The following RUNX2 variants were observed in gnomAD, a reference collection of about 807,000 sequenced individuals.
RUNX2 encodes the protein runt-related transcription factor 2.
RUNX2 carries 10 observed loss-of-function variants against 51.7 expected under a neutral mutation model. That is an observed-to-expected ratio of 0.19 (90% CI 0.12 to 0.33). RUNX2 has a LOEUF of 0.33. Among genes scored for constraint, RUNX2 ranks in the 10% least tolerant of loss-of-function variants. The probability of loss-of-function intolerance (pLI) is 1.00; values close to 1 mark genes in which losing one functional copy is unlikely to be tolerated. For synonymous variants in RUNX2, 276 were observed against 273.6 expected (o/e 1.01, Z -0.09); for missense variants, 562 against 691.3 (o/e 0.81, Z 2.10).
At chr6:45,540,274 G>T (rs1234731214) in intron 7 of RUNX2, among the ~76,000 whole-genome samples, 1 of 152,176 alleles carries the variant, frequency 6.6e-6, no homozygotes, top group Non-Finnish European at 1.5e-5. Flanking sequence ...TGAGTAAGGG[G>T]TAATACACTC....
At chr6:45,355,787 C>G (rs554110225) in intron 2 of RUNX2, among the ~76,000 whole-genome samples, 10 of 152,290 alleles carry the variant, frequency 6.6e-5, no homozygotes, top group Admixed American at 6.5e-4. Flanking sequence ...CAGTGCTTGA[C>G]TTAGAAATGG....
chr6:45,529,071 A>C (rs1801763589), intron 7 of RUNX2, among the ~76,000 whole-genome samples: 1 of 152,214 alleles, frequency 6.6e-6, no homozygotes, highest in South Asian at 2.1e-4. Flanking sequence ...CCCTAAAAGG[A>C]GATTCCTCCT....
At chr6:45,537,416 A>T (rs1401042374) in intron 7 of RUNX2, among the ~76,000 whole-genome samples, 1 of 152,214 alleles carries the variant, frequency 6.6e-6, no homozygotes, top group Non-Finnish European at 1.5e-5. Context: ...GTCTTGGGCT[A>T]CCATGTACTG....
intron 4 of RUNX2, among the ~76,000 whole-genome samples, chr6:45,436,202 A>T (rs1425447740): frequency 6.6e-6 from 1 of 152,152 alleles, no homozygotes; most frequent in Admixed American, 6.5e-5. Context: ...GGGCACATAG[A>T]GCTGATTGGG....
chr6:45,428,838 C>CTTTTT (rs66878438), intron 3 of RUNX2, among the ~76,000 whole-genome samples: 2 of 131,064 alleles, frequency 1.5e-5, no homozygotes, highest in African/African-American at 2.8e-5. Flanking sequence ...GGGCAGATTG[C>CTTTTT]TTTTTTTTTT....
chr6:45,411,476 T>C (rs939792414), intron 2 of RUNX2, among the ~76,000 whole-genome samples: 1 of 152,188 alleles, frequency 6.6e-6, no homozygotes, highest in Non-Finnish European at 1.5e-5. Flanking sequence ...ATTTTTATGG[T>C]TGAGTTTGTA....
intron 8 of RUNX2, among the ~76,000 whole-genome samples, chr6:45,545,781 G>A (rs1449874625): frequency 6.6e-6 from 1 of 152,146 alleles, no homozygotes; most frequent in Non-Finnish European, 1.5e-5. Context: ...AATCTTTAAA[G>A]GTCACAACTA....
chr6:45,533,483 C>T (rs976421612), intron 7 of RUNX2, among the ~76,000 whole-genome samples: 14 of 152,276 alleles, frequency 9.2e-5, no homozygotes, highest in Non-Finnish European at 1.6e-4. Flanking sequence ...ATACAAACAG[C>T]TCTTTGAAAC....
chr6:45,430,415 T>C (rs1315814464), intron 3 of RUNX2, among the ~76,000 whole-genome samples: 1 of 152,128 alleles, frequency 6.6e-6, no homozygotes, highest in Non-Finnish European at 1.5e-5. Flanking sequence ...ATGGAAGGAA[T>C]GGAACTGAGA....
At chr6:45,455,553 T>C (rs985304285) in intron 5 of RUNX2, among the ~76,000 whole-genome samples, 5 of 151,990 alleles carry the variant, frequency 3.3e-5, no homozygotes, top group Non-Finnish European at 5.9e-5. Context: ...ACTTTGAGAG[T>C]CTAACTTGAA....
intron 8 of RUNX2, 28 bp downstream of exon 8, chr6:45,545,310 G>A: frequency 6.5e-7 from 1 of 1,548,968 alleles, no homozygotes. Flanking sequence ...TGCTGGGCTG[G>A]GCAGGGCTGG....
At chr6:45,351,211 C>T (rs116376105) in intron 2 of RUNX2, among the ~76,000 whole-genome samples, 178 of 152,162 alleles carry the variant, frequency 1.2e-3, no homozygotes, top group African/African-American at 4.0e-3. Context: ...AAAAATTATG[C>T]TCTAAATTAG....
chr6:45,406,822 C>T (rs1375467575), intron 2 of RUNX2, among the ~76,000 whole-genome samples: 1 of 152,070 alleles, frequency 6.6e-6, no homozygotes, highest in Non-Finnish European at 1.5e-5. Flanking sequence ...ATGAATTTTC[C>T]AAACCAATCT....
At chr6:45,372,354 G>A (rs1796192090) in intron 2 of RUNX2, among the ~76,000 whole-genome samples, 1 of 152,214 alleles carries the variant, frequency 6.6e-6, no homozygotes, top group Non-Finnish European at 1.5e-5. Context: ...ATTAACTCAT[G>A]CAAAAGCATA....
chr6:45,399,825 AGG>A (rs1797667931), intron 2 of RUNX2, among the ~76,000 whole-genome samples: 1 of 147,826 alleles, frequency 6.8e-6, no homozygotes, highest in Non-Finnish European at 1.5e-5. Flanking sequence ...GAAGTAAGGA[AGG>A]AAGGAAGGAA....
chr6:45,441,225 G>A (rs753152760), intron 5 of RUNX2, among the ~76,000 whole-genome samples: 2 of 152,092 alleles, frequency 1.3e-5, no homozygotes, highest in Non-Finnish European at 2.9e-5. Context: ...GGTTCCTGTT[G>A]TTGGAATTTC....
intron 2 of RUNX2, chr6:45,365,185 G>A: frequency 6.8e-7 from 1 of 1,471,976 alleles, no homozygotes; most frequent in Non-Finnish European, 9.4e-7. Context: ...GCAATAGCAT[G>A]CAGGGACATA....
chr6:45,490,223 A>G (rs1176530145), intron 5 of RUNX2, among the ~76,000 whole-genome samples: 1 of 152,176 alleles, frequency 6.6e-6, no homozygotes, highest in African/African-American at 2.4e-5. Flanking sequence ...TCCTCTAGGG[A>G]TCTAAAATCT....
At chr6:45,466,871 A>G (rs1799648953) in intron 5 of RUNX2, among the ~76,000 whole-genome samples, 1 of 152,246 alleles carries the variant, frequency 6.6e-6, no homozygotes, top group Non-Finnish European at 1.5e-5. Context: ...CTGACAAACA[A>G]TTCCTGCAAT....
Sources: allele counts gnomAD v4.1 joint callset (sites outside exome capture counted in the v4.1 genomes callset), GRCh38; gene constraint gnomAD v4.1.1; transcripts MANE v1.5; gene names NCBI Gene and HGNC (gene_info 2026-07-23, HGNC 2026-07-21).